SDK1: variants seen among roughly 807,000 people sequenced by gnomAD.
SDK1 encodes the protein sidekick cell adhesion molecule 1.
A neutral mutation model predicts 245.5 loss-of-function variants in SDK1; 157 were observed. The ratio of observed to expected loss-of-function variants is 0.64; its 90% CI spans 0.56 to 0.73. The LOEUF (loss-of-function observed/expected upper bound fraction) is 0.73, where lower values mean the gene tolerates loss of function less well. Among genes scored for constraint, SDK1 ranks in the 30% least tolerant of loss-of-function variants. The probability of loss-of-function intolerance (pLI) is 0.00; values close to 1 mark genes in which losing one functional copy is unlikely to be tolerated. For synonymous variants in SDK1, 1,647 were observed against 1,278.5 expected (o/e 1.29, Z -6.15); for missense variants, 3,583 against 3,002.3 (o/e 1.19, Z -4.52).
intron 14 of SDK1, among the ~76,000 whole-genome samples, chr7:3,993,175 G>T (rs1239696145): frequency 6.6e-6 from 1 of 152,146 alleles, no homozygotes; most frequent in Non-Finnish European, 1.5e-5. Flanking sequence ...GGAGATTTTC[G>T]TTTAATGCAA....
chr7:3,803,458 A>G (rs1030394116), intron 4 of SDK1, among the ~76,000 whole-genome samples: 1 of 151,006 alleles, frequency 6.6e-6, no homozygotes, highest in Admixed American at 6.6e-5. Flanking sequence ...CTACAAGGGC[A>G]TGCCACTGTG....
chr7:3,447,773 C>T (rs1285245363), intron 1 of SDK1, among the ~76,000 whole-genome samples: 4 of 143,038 alleles, frequency 2.8e-5, no homozygotes, highest in Non-Finnish European at 3.0e-5. Flanking sequence ...GGCATGATCT[C>T]GGCTCACCGC....
chr7:4,056,489 A>G (rs993575447), intron 19 of SDK1, among the ~76,000 whole-genome samples: 7 of 152,204 alleles, frequency 4.6e-5, no homozygotes, highest in Non-Finnish European at 1.0e-4. Context: ...CACCTATGGC[A>G]AGGAGGAAAG....
intron 37 of SDK1, among the ~76,000 whole-genome samples, chr7:4,209,316 C>T (rs530038106): frequency 2.0e-5 from 3 of 152,276 alleles, no homozygotes; most frequent in East Asian, 1.9e-4. Context: ...TTCACAGGCA[C>T]TTCTGAGCAG....
chr7:3,773,280 T>C (rs1424498606), intron 4 of SDK1, among the ~76,000 whole-genome samples: 1 of 152,190 alleles, frequency 6.6e-6, no homozygotes, highest in African/African-American at 2.4e-5. Flanking sequence ...TTGCCCTATC[T>C]TCACATTCAC....
At chr7:3,504,770 A>G (rs558321860) in intron 1 of SDK1, among the ~76,000 whole-genome samples, 1 of 145,186 alleles carries the variant, frequency 6.9e-6, no homozygotes, top group South Asian at 2.2e-4. Flanking sequence ...AAAAGCACAA[A>G]CAACAGAAGG....
chr7:3,418,053 T>G (rs893959998), intron 1 of SDK1, among the ~76,000 whole-genome samples: 1 of 146,754 alleles, frequency 6.8e-6, no homozygotes, highest in African/African-American at 2.6e-5. Flanking sequence ...TCTGCCAGAT[T>G]ACAACAAAGG....
intron 4 of SDK1, among the ~76,000 whole-genome samples, chr7:3,650,179 C>A (rs187421778): frequency 1.9e-4 from 29 of 152,276 alleles, no homozygotes; most frequent in African/African-American, 7.0e-4. Context: ...CCTCCCAGAG[C>A]GCTGGGAGTA....
In SDK1 at chr7:4,114,264, G is replaced by A. The variant is rs146559197; in HGVS notation, c.3813G>A (p.Thr1271=). The A allele has an allele frequency of 3.7e-6, 6 of 1,602,582 alleles. No homozygotes were observed. Among genetic ancestry groups the A allele is most frequent in the East Asian group, 4.5e-5 (2 of 44,480 alleles). The change falls in exon 25 of 45, where the codon ACG becomes ACA. Residue 1271 remains threonine (T), a synonymous_variant. Coordinates refer to ENST00000404826, the MANE Select transcript of SDK1 (RefSeq NM_152744.4). ...GPWSEVVRGR[T]RESVPSAAPE... ...GGAGCGAGGTGGTGCGGGGCCGGAC[G>A]CGGGAGTCAGGTGAGGGGAAGGCGA...
chr7:3,858,251 T>TA (rs1377395940), intron 5 of SDK1, among the ~76,000 whole-genome samples: 5 of 151,934 alleles, frequency 3.3e-5, no homozygotes, highest in Admixed American at 2.6e-4. Flanking sequence ...ATCATTTTTT[T>TA]AAAAAAACAC....
At chr7:4,126,756 G>A (rs55759765) in intron 25 of SDK1, among the ~76,000 whole-genome samples, 4,577 of 152,274 alleles carry the variant, frequency 0.03, 101 homozygotes, top group Admixed American at 0.043. Flanking sequence ...GGCTGGCCTC[G>A]GCTGCCCATC....
At chr7:3,900,266 G>A (rs961934835) in intron 5 of SDK1, among the ~76,000 whole-genome samples, 8 of 152,064 alleles carry the variant, frequency 5.3e-5, no homozygotes, top group African/African-American at 4.8e-5. Context: ...CTTTAAAGTG[G>A]TTCCCCTCAA....
At chr7:3,466,989 C>CT (rs879544881) in intron 1 of SDK1, among the ~76,000 whole-genome samples, 39 of 137,766 alleles carry the variant, frequency 2.8e-4, no homozygotes, top group East Asian at 1.0e-3. Flanking sequence ...TACACACACA[C>CT]ACACACACAC....
intron 4 of SDK1, among the ~76,000 whole-genome samples, chr7:3,665,943 C>A (rs1783516689): frequency 6.6e-6 from 1 of 152,092 alleles, no homozygotes; most frequent in Non-Finnish European, 1.5e-5. Context: ...CTTCTACCAT[C>A]TTCCCACAAT....
chr7:3,400,152 T>A (rs1211878043), intron 1 of SDK1, among the ~76,000 whole-genome samples: 1 of 152,062 alleles, frequency 6.6e-6, no homozygotes, highest in African/African-American at 2.4e-5. Flanking sequence ...ATTTTCACAT[T>A]GTTAGGGAGG....
At chr7:3,980,368 C>T (rs1023116997) in intron 13 of SDK1, among the ~76,000 whole-genome samples, 3 of 152,192 alleles carry the variant, frequency 2.0e-5, no homozygotes, top group Non-Finnish European at 4.4e-5. Flanking sequence ...CCCCTATTCT[C>T]TTTCAATTAC....
chr7:3,439,875 C>T (rs1221110469), intron 1 of SDK1, among the ~76,000 whole-genome samples: 1 of 152,178 alleles, frequency 6.6e-6, no homozygotes, highest in Non-Finnish European at 1.5e-5. Flanking sequence ...CTCAGATGCC[C>T]TGAGGCAGGT....
Position 3,826,383 on chromosome 7 carries a change from G to C in SDK1, c.847+4800G>C, listed in dbSNP as rs373043035. On this transcript the variant is annotated intron_variant, in intron 5 of 44. Coordinates refer to ENST00000404826, the MANE Select transcript of SDK1 (RefSeq NM_152744.4). ...AATCCATATTTTACTTGATTTTCTT[G>C]ATACAATCTAGTTTTTTGGAAAAAT... 2.6e-5 allele frequency among the ~76,000 whole-genome samples: 4 copies of C among 152,284 alleles called. 1 individual carries two copies. In the East Asian group the frequency reaches 5.8e-4, roughly 22 times the overall value.
intron 19 of SDK1, among the ~76,000 whole-genome samples, chr7:4,054,350 A>C (rs919825427): frequency 6.6e-6 from 1 of 152,242 alleles, no homozygotes; most frequent in African/African-American, 2.4e-5. Context: ...GACATTTGCG[A>C]AACTATAGTA....
Sources: gnomAD v4.1 joint callset for allele counts (sites outside exome capture counted in the v4.1 genomes callset) on GRCh38, gnomAD v4.1.1 for gene constraint, MANE v1.5 for transcripts, NCBI Gene and HGNC (gene_info 2026-07-23, HGNC 2026-07-21) for gene names.